The following INTS4 variants were observed in gnomAD, a reference collection of about 807,000 sequenced individuals.
The protein encoded by INTS4 is integrator complex subunit 4.
Under a neutral mutation model 119.5 loss-of-function variants are expected in INTS4, and 70 were observed. The observed-to-expected ratio is 0.59, with a 90% CI of 0.48 to 0.71. The LOEUF is 0.71. Among genes scored for constraint, INTS4 ranks in the 30% least tolerant of loss-of-function variants. The pLI is 0.00. For missense variants in INTS4, 867 were observed against 1,173.2 expected (o/e 0.74, Z 3.81); for synonymous variants, 316 against 419.6 (o/e 0.75, Z 3.02).
chr11:77,952,562 A>G (rs1404468921), intron 8 of INTS4, among the ~76,000 whole-genome samples: 2 of 152,190 alleles, frequency 1.3e-5, no homozygotes, highest in Non-Finnish European at 2.9e-5. Context: ...GTAGGCCAGG[A>G]ACTCTATACA....
At chr11:77,946,016 C>T (rs1283399952) in intron 8 of INTS4, among the ~76,000 whole-genome samples, 3 of 152,252 alleles carry the variant, frequency 2.0e-5, no homozygotes, top group Non-Finnish European at 4.4e-5. Context: ...GCCACCGCGG[C>T]AAAGGCCTGA....
chr11:77,889,778 G>T (rs940902705), intron 21 of INTS4, among the ~76,000 whole-genome samples: 1 of 152,152 alleles, frequency 6.6e-6, no homozygotes, highest in Non-Finnish European at 1.5e-5. Context: ...CCACGATGGG[G>T]CAGTGAGTTT....
intron 18 of INTS4, among the ~76,000 whole-genome samples, chr11:77,899,956 T>G (rs1442754770): frequency 2.0e-5 from 3 of 152,112 alleles, no homozygotes; most frequent in Non-Finnish European, 4.4e-5. Flanking sequence ...CCTGTAATAT[T>G]TTAATTTTTC....
At chr11:77,971,687 T>C (rs1855742488) in intron 4 of INTS4, among the ~76,000 whole-genome samples, 1 of 152,130 alleles carries the variant, frequency 6.6e-6, no homozygotes, top group Admixed American at 6.6e-5. Context: ...ATTATATGTA[T>C]GATTTACAAA....
At chr11:77,994,213 G>A (rs964149618) in intron 1 of INTS4, among the ~76,000 whole-genome samples, 34 of 152,154 alleles carry the variant, frequency 2.2e-4, no homozygotes, top group African/African-American at 6.3e-4. Flanking sequence ...GCTAGAAGGG[G>A]CTCTGCTGCT....
At chr11:77,923,765 G>A (rs1454014567) in intron 12 of INTS4, among the ~76,000 whole-genome samples, 2 of 135,324 alleles carry the variant, frequency 1.5e-5, no homozygotes, top group Non-Finnish European at 3.2e-5. Context: ...TATTGTTTAT[G>A]GTTTTTTTTT....
intron 3 of INTS4, among the ~76,000 whole-genome samples, chr11:77,979,309 A>G (rs1193011775): frequency 6.6e-6 from 1 of 152,060 alleles, no homozygotes; most frequent in Non-Finnish European, 1.5e-5. Flanking sequence ...CGTTTCTACA[A>G]AAATAAATCT....
At chr11:77,975,219 T>C (rs1300330462) in intron 4 of INTS4, among the ~76,000 whole-genome samples, 1 of 152,122 alleles carries the variant, frequency 6.6e-6, no homozygotes, top group African/African-American at 2.4e-5. Flanking sequence ...TTTTTTTTTA[T>C]GATGGGCACT....
At chr11:77,984,530 C>T (rs892799727) in intron 2 of INTS4, among the ~76,000 whole-genome samples, 2 of 149,186 alleles carry the variant, frequency 1.3e-5, no homozygotes, top group Non-Finnish European at 3.0e-5. Flanking sequence ...ATGGTGGTTG[C>T]CAGGGGCTGG....
chr11:77,989,151 G>A (rs4945229), intron 2 of INTS4, among the ~76,000 whole-genome samples: 20,642 of 152,102 alleles, frequency 0.14, 1,590 homozygotes, highest in East Asian at 0.25. Context: ...TAATAGATAT[G>A]TAATGAAATA....
intron 18 of INTS4, among the ~76,000 whole-genome samples, chr11:77,898,693 T>C (rs1952638725): frequency 6.6e-6 from 1 of 152,200 alleles, no homozygotes; most frequent in Non-Finnish European, 1.5e-5. Flanking sequence ...GTATTTATAA[T>C]GGATGTGACA....
intron 11 of INTS4, among the ~76,000 whole-genome samples, chr11:77,927,127 G>A (rs1953526687): frequency 6.6e-6 from 1 of 152,106 alleles, no homozygotes; most frequent in Admixed American, 6.6e-5. Flanking sequence ...AAATTGTGAG[G>A]AAAAGCAATA....
intron 7 of INTS4, among the ~76,000 whole-genome samples, chr11:77,956,432 C>G (rs542940064): frequency 1.7e-4 from 26 of 151,830 alleles, no homozygotes; most frequent in Non-Finnish European, 2.9e-4. Flanking sequence ...ACAGTCTGGG[C>G]GCAATGGCTC....
At chr11:77,982,226 C>T (rs10793267) in intron 2 of INTS4, among the ~76,000 whole-genome samples, 91,321 of 150,948 alleles carry the variant, frequency 0.6, 28,045 homozygotes, top group African/African-American at 0.7. Context: ...GCCTTGACCT[C>T]CTGAGCTCAA....
chr11:77,942,234 T>C (rs1284176579), intron 8 of INTS4, among the ~76,000 whole-genome samples: 2 of 152,224 alleles, frequency 1.3e-5, no homozygotes, highest in African/African-American at 2.4e-5. Context: ...TGAAATGCTG[T>C]AATACACATC....
chr11:77,919,754 A>G (rs1358625447), intron 14 of INTS4, among the ~76,000 whole-genome samples: 1 of 152,168 alleles, frequency 6.6e-6, no homozygotes, highest in South Asian at 2.1e-4. Flanking sequence ...GTTACCTTTT[A>G]AGATGGATGG....
At chr11:77,973,735 T>C (rs1451863513) in intron 4 of INTS4, among the ~76,000 whole-genome samples, 1 of 152,262 alleles carries the variant, frequency 6.6e-6, no homozygotes, top group Non-Finnish European at 1.5e-5. Flanking sequence ...TCCTCGATAG[T>C]GTATTACATT....
At chr11:77,926,586 C>CACT (rs1953506119) in intron 11 of INTS4, among the ~76,000 whole-genome samples, 1 of 151,976 alleles carries the variant, frequency 6.6e-6, no homozygotes, top group Non-Finnish European at 1.5e-5. Flanking sequence ...GTGGGTGGAT[C>CACT]ACTTGAGGTC....
Position 77,965,842 on chromosome 11 carries a change from G to A in INTS4, c.472-4704C>T, listed in dbSNP as rs73501837. The stretch of plus-strand genomic sequence containing the variant: ...TTTCAATTCCTTTAGACATATACCC[G>A]GAAGTGGGATGACTAGATCACATGC... On this transcript the variant is annotated intron_variant, in intron 4 of 22. Transcript: ENST00000534064. Among the ~76,000 whole-genome samples, 751 of 152,268 alleles carry A rather than the reference G, an allele frequency of 4.9e-3. 10 individuals carry two copies. Among genetic ancestry groups the A allele is most frequent in the African/African-American group, 0.017 (699 of 41,546 alleles).
Sources: gnomAD v4.1 joint callset for allele counts (sites outside exome capture counted in the v4.1 genomes callset) on GRCh38, gnomAD v4.1.1 for gene constraint, MANE v1.5 for transcripts, NCBI Gene and HGNC (gene_info 2026-07-23, HGNC 2026-07-21) for gene names.